ABCA13: variants seen among roughly 807,000 people sequenced by gnomAD.
The protein encoded by ABCA13 is ATP binding cassette subfamily A member 13.
ABCA13 carries 476 observed loss-of-function variants against 478.7 expected under a neutral mutation model. The observed-to-expected ratio is 0.99, with a 90% CI of 0.92 to 1.07. The LOEUF is 1.07. Among genes scored for constraint, ABCA13 ranks in the 50% least tolerant of loss-of-function variants. The probability of loss-of-function intolerance (pLI) is 0.00; values close to 1 mark genes in which losing one functional copy is unlikely to be tolerated. For missense variants in ABCA13, 6,060 were observed against 5,910.6 expected, an observed-to-expected ratio of 1.03 and a Z score of -0.83; for synonymous variants, 2,252 against 2,158.9, an observed-to-expected ratio of 1.04 and a Z score of -1.20.
chr7:48,505,957 C>T (rs529628725), intron 48 of ABCA13, among the ~76,000 whole-genome samples: 1 of 152,264 alleles, frequency 6.6e-6, no homozygotes, highest in East Asian at 1.9e-4. Flanking sequence ...GAATATTGAT[C>T]TGATTCATAT....
At chr7:48,354,578 A>T (rs1451225887) in intron 31 of ABCA13, among the ~76,000 whole-genome samples, 1 of 152,082 alleles carries the variant, frequency 6.6e-6, no homozygotes, top group Non-Finnish European at 1.5e-5. Flanking sequence ...CGTTGGAATG[A>T]GTGGAATACC....
intron 1 of ABCA13, among the ~76,000 whole-genome samples, chr7:48,187,374 T>G (rs1279100954): frequency 1.3e-5 from 2 of 151,712 alleles, no homozygotes; most frequent in Non-Finnish European, 2.9e-5. Context: ...GCTTATTTTA[T>G]TTTTCTGAAA....
Position 48,275,976 on chromosome 7 carries a change from T to A in ABCA13, c.6310T>A (p.Phe2104Ile), listed in dbSNP as rs767925885. The change falls in exon 17 of 62, where the codon TTC (phenylalanine) becomes ATC (isoleucine). Residue 2104 changes from phenylalanine (F) to isoleucine (I), a missense_variant. By Grantham distance (21) the Phe-to-Ile change is conservative. Around this residue, in one of 3 missense-constraint regions of ABCA13, gnomAD observed 4,423 missense variants for 4,309.1 expected, o/e 1.03. Transcript: ENST00000435803. ...LQKITLQFAH[F>I]LEILDSPSLK... The stretch of plus-strand genomic sequence containing the variant: ...AAAGATAACTTTGCAGTTTGCCCAT[T>A]TCCTGGAAATCCTGGATTCACCGTC... 3.1e-6 allele frequency: 5 copies of A among 1,613,486 alleles called. No homozygotes were observed. The highest frequency in any genetic ancestry group is 1.7e-6 in the Non-Finnish European group (2 of 1,179,762).
chr7:48,435,971 G>GTT (rs35182542), intron 42 of ABCA13, among the ~76,000 whole-genome samples: 1 of 138,440 alleles, frequency 7.2e-6, no homozygotes, highest in Non-Finnish European at 1.6e-5. Context: ...AGTTGGTAAG[G>GTT]TTTTTTTTTT....
chr7:48,524,572 C>T, intron 54 of ABCA13, 132 bp downstream of exon 54: 1 of 798,606 alleles, frequency 1.3e-6, no homozygotes, highest in Admixed American at 3.5e-5. Flanking sequence ...GAAATTCCTA[C>T]AAAATCAGTA....
chr7:48,201,882 A>G (rs1275543561), intron 3 of ABCA13, among the ~76,000 whole-genome samples: 1 of 151,896 alleles, frequency 6.6e-6, no homozygotes, highest in Admixed American at 6.5e-5. Context: ...GTTCCTTCTG[A>G]TGTTCGGACG....
intron 42 of ABCA13, among the ~76,000 whole-genome samples, chr7:48,446,568 T>A (rs960137896): frequency 2.0e-5 from 3 of 152,112 alleles, no homozygotes; most frequent in Non-Finnish European, 4.4e-5. Flanking sequence ...GGAAAGCAAT[T>A]TTGGCAGTGA....
At chr7:48,638,671 G>T (rs1433609117) in intron 59 of ABCA13, among the ~76,000 whole-genome samples, 1 of 152,130 alleles carries the variant, frequency 6.6e-6, no homozygotes, top group Non-Finnish European at 1.5e-5. Context: ...TTGCAGTGAA[G>T]GGACATGGTT....
intron 20 of ABCA13, among the ~76,000 whole-genome samples, chr7:48,290,585 C>T (rs1219878031): frequency 6.6e-6 from 1 of 152,158 alleles, no homozygotes; most frequent in East Asian, 1.9e-4. Context: ...TTATAATCCC[C>T]TCTATGTCAA....
Position 48,206,787 on chromosome 7 carries a change from A to AGCGT in ABCA13, c.287+8428_287+8429insCGTG, listed in dbSNP as rs1554342399. Among the ~76,000 whole-genome samples, 3 of 151,364 alleles carry AGCGT rather than the reference A, an allele frequency of 2.0e-5. No individual in the cohort carries two copies. In the East Asian group the frequency reaches 5.8e-4, roughly 29 times the overall value. On this transcript the variant is annotated intron_variant, in intron 3 of 61. Transcript: ENST00000435803. ...ATCTAAAGTATAAATCATTTGTGTG[A>AGCGT]GTGTGTGTGTGTGAGTGTGTTAGGA... is the stretch of plus-strand genomic sequence containing the variant.
At chr7:48,245,741 A>G (rs1791566395) in intron 12 of ABCA13, 122 bp from the exon 13 acceptor site, 1 of 1,445,526 alleles carries the variant, frequency 6.9e-7, no homozygotes, top group South Asian at 1.4e-5. Flanking sequence ...AGGTTTTTCA[A>G]AACTTTATGT....
intron 1 of ABCA13, among the ~76,000 whole-genome samples, chr7:48,175,627 GCCA>G (rs952958340): frequency 1.2e-4 from 18 of 152,222 alleles, no homozygotes; most frequent in Middle Eastern, 3.4e-3. Context: ...CACCATGTTG[GCCA>G]GGCTTGCCTA....
rs763805350 is a variant in ABCA13 at position 48,279,716 on chromosome 7, C to T, written c.8522C>T (p.Thr2841Ile). The change falls in exon 18 of 62, where the codon ACA becomes ATA. Residue 2841 changes from threonine to isoleucine, a missense_variant. Physicochemically the swap from Thr to Ile is moderately conservative, Grantham distance 89 (BLOSUM62 -1). Coordinates refer to ENST00000435803, the MANE Select transcript of ABCA13 (RefSeq NM_152701.5). Reference protein sequence around the residue: ...LFNNSEWITSTRTLFQPLFEI... With the variant: ...LFNNSEWITSIRTLFQPLFEI... Reference sequence around the variant, plus strand: ...AACAACTCTGAATGGATAACTTCCACAAGAACTTTGTTTCAGCCACTTTTT... The same window carrying T: ...AACAACTCTGAATGGATAACTTCCATAAGAACTTTGTTTCAGCCACTTTTT... The T allele has an allele frequency of 1.2e-6, 2 of 1,613,566 alleles. No homozygotes were observed. Among genetic ancestry groups the T allele is most frequent in the East Asian group, 2.2e-5 (1 of 44,800 alleles).
At chr7:48,597,708 G>A (rs1231056196) in intron 58 of ABCA13, among the ~76,000 whole-genome samples, 1 of 152,026 alleles carries the variant, frequency 6.6e-6, no homozygotes, top group African/African-American at 2.4e-5. Flanking sequence ...CTTTTCATGT[G>A]CCTATTGGTT....
chr7:48,475,614 C>T (rs770956748), intron 45 of ABCA13, among the ~76,000 whole-genome samples: 1 of 151,694 alleles, frequency 6.6e-6, no homozygotes, highest in African/African-American at 2.4e-5. Flanking sequence ...TACAGGCATG[C>T]GCCACTGTGC....
chr7:48,232,215 G>T (rs1789256684), intron 7 of ABCA13, among the ~76,000 whole-genome samples: 1 of 127,810 alleles, frequency 7.8e-6, no homozygotes, highest in Admixed American at 9.3e-5. Context: ...CCATTTTCAG[G>T]TTAGGTTAGT....
chr7:48,411,049 T>TTCTTTTTC (rs1554499830), intron 40 of ABCA13, among the ~76,000 whole-genome samples: 137 of 64,932 alleles, frequency 2.1e-3, no homozygotes, highest in African/African-American at 6.4e-3. Flanking sequence ...CTTTCTTTCT[T>TTCTTTTTC]TTTCTTTCTT....
At chr7:48,631,917 G>GT (rs1480965184) in intron 59 of ABCA13, among the ~76,000 whole-genome samples, 1 of 152,070 alleles carries the variant, frequency 6.6e-6, no homozygotes, top group East Asian at 1.9e-4. Flanking sequence ...GGTATTTTGT[G>GT]TTTTTGCAGC....
At chr7:48,307,670 A>ATT (rs1801106519) in intron 23 of ABCA13, among the ~76,000 whole-genome samples, 2 of 152,094 alleles carry the variant, frequency 1.3e-5, no homozygotes, top group Non-Finnish European at 2.9e-5. Context: ...TTTTTACTTT[A>ATT]TAAACTTTAT....
Sources: allele counts gnomAD v4.1 joint callset (sites outside exome capture counted in the v4.1 genomes callset), GRCh38; gene constraint gnomAD v4.1.1; regional missense constraint gnomAD v4.1.1; transcripts MANE v1.5; gene names NCBI Gene and HGNC (gene_info 2026-07-23, HGNC 2026-07-21).